EEFSEC: variants seen among roughly 807,000 people sequenced by gnomAD.
EEFSEC encodes the protein eukaryotic elongation factor, selenocysteine-tRNA specific, also known as selenocysteine-specific elongation factor.
A neutral mutation model predicts 42.1 loss-of-function variants in EEFSEC; 43 were observed. That is an observed-to-expected ratio of 1.02 (90% CI 0.80 to 1.32). The LOEUF (loss-of-function observed/expected upper bound fraction) is 1.32. EEFSEC is among the 40% of genes most tolerant of loss of function. EEFSEC has a pLI of 0.00. For missense variants in EEFSEC, 745 were observed against 803.6 expected (o/e 0.93, Z 0.88); for synonymous variants, 354 against 339.1 (o/e 1.04, Z -0.48).
At chr3:128,360,413 G>A (rs141854055) in intron 6 of EEFSEC, among the ~76,000 whole-genome samples, 20 of 152,354 alleles carry the variant, frequency 1.3e-4, no homozygotes, top group African/African-American at 4.8e-4. Flanking sequence ...TTCCAGCTGG[G>A]TCGGGGGCCA....
intron 1 of EEFSEC, among the ~76,000 whole-genome samples, chr3:128,169,036 T>C (rs1340097484): frequency 6.6e-6 from 1 of 152,208 alleles, no homozygotes; most frequent in Non-Finnish European, 1.5e-5. Context: ...TCTGCTTTCA[T>C]GTAGCTTCCT....
intron 1 of EEFSEC, among the ~76,000 whole-genome samples, chr3:128,246,474 C>G (rs1393159275): frequency 2.0e-5 from 3 of 151,910 alleles, no homozygotes; most frequent in African/African-American, 7.3e-5. Flanking sequence ...TTTTTTTTCC[C>G]CCTGCTGAGA....
rs2066081384 is a variant in EEFSEC at position 128,242,393 on chromosome 3, A to G, written c.317-4443A>G. On this transcript the variant is annotated intron_variant, in intron 1 of 6. Transcript: ENST00000254730. Reference sequence around the variant, plus strand: ...TACATAACAAACCTGGTCATCCTGCACATGTACCCCTGAACTTAAAATATA... The same window carrying G: ...TACATAACAAACCTGGTCATCCTGCGCATGTACCCCTGAACTTAAAATATA... 2.0e-5 allele frequency among the ~76,000 whole-genome samples: 3 copies of G among 152,210 alleles called. No individual in the cohort carries two copies. In the South Asian group the frequency reaches 6.2e-4, roughly 32 times the overall value.
At chr3:128,328,841 C>T (rs949738645) in intron 4 of EEFSEC, among the ~76,000 whole-genome samples, 25 of 152,116 alleles carry the variant, frequency 1.6e-4, no homozygotes, top group African/African-American at 5.6e-4. Context: ...TTCTTTGATC[C>T]ACCTCAAGAA....
intron 5 of EEFSEC, among the ~76,000 whole-genome samples, chr3:128,356,743 T>G (rs771427398): frequency 6.6e-5 from 10 of 152,222 alleles, no homozygotes; most frequent in Non-Finnish European, 1.3e-4. Flanking sequence ...TGTATCCACC[T>G]CTGCCCTGCC....
chr3:128,411,115 G>A (rs906520915), downstream of EEFSEC, among the ~76,000 whole-genome samples: 6 of 152,236 alleles, frequency 3.9e-5, no homozygotes, highest in East Asian at 1.9e-4. Flanking sequence ...GGGCCAGGGC[G>A]CGCAGCCTTT....
chr3:128,304,683 C>T (rs1306111667), intron 4 of EEFSEC, among the ~76,000 whole-genome samples: 2 of 151,650 alleles, frequency 1.3e-5, no homozygotes, highest in Non-Finnish European at 2.9e-5. Context: ...AAATGGCAGG[C>T]ATCTTTTCGT....
intron 5 of EEFSEC, among the ~76,000 whole-genome samples, chr3:128,354,804 C>G (rs576768360): frequency 1.1e-4 from 17 of 152,298 alleles, no homozygotes; most frequent in African/African-American, 4.1e-4. Flanking sequence ...ATGCAGTAAA[C>G]GTGTTCTGAA....
intron 5 of EEFSEC, 130 bp from the exon 6 acceptor site, chr3:128,358,087 C>T (rs969877494): frequency 2.4e-6 from 3 of 1,232,638 alleles, no homozygotes; most frequent in Middle Eastern, 4.0e-4. Flanking sequence ...AGGCTACCCA[C>T]AGGGTTCCTA....
intron 4 of EEFSEC, among the ~76,000 whole-genome samples, chr3:128,327,091 C>T (rs1178748851): frequency 1.3e-5 from 2 of 152,224 alleles, no homozygotes; most frequent in South Asian, 4.1e-4. Context: ...CCTGCCCCCA[C>T]GTGTGCTCAT....
At chr3:128,173,764 C>A (rs954089834) in intron 1 of EEFSEC, among the ~76,000 whole-genome samples, 4 of 152,148 alleles carry the variant, frequency 2.6e-5, no homozygotes, top group Admixed American at 2.6e-4. Flanking sequence ...TTTCAAAACA[C>A]AAACTTCTTC....
In EEFSEC at chr3:128,239,535, C is replaced by G. The variant is rs562218991; in HGVS notation, c.317-7301C>G. On this transcript the variant is annotated intron_variant, in intron 1 of 6. Transcript: ENST00000254730. ...GCGAGATGCTTACCCTCTGCCCCCG[C>G]CTGCCTCAGAACTTGAGGTGGGCTT... Among the ~76,000 whole-genome samples the G allele has an allele frequency of 9.9e-5, 15 of 152,272 alleles. No individual in the cohort carries two copies. In the South Asian group the frequency reaches 2.3e-3, roughly 23 times the overall value.
the EEFSEC span, among the ~76,000 whole-genome samples, chr3:128,425,439 A>G: frequency 1.3e-5 from 2 of 152,054 alleles, no homozygotes; most frequent in East Asian, 3.9e-4. Context: ...GTTTGGGGTG[A>G]CTGTGACTAA....
intron 4 of EEFSEC, among the ~76,000 whole-genome samples, chr3:128,316,418 G>A (rs188472762): frequency 1.3e-5 from 2 of 152,276 alleles, no homozygotes; most frequent in Admixed American, 6.5e-5. Flanking sequence ...ATCTCATACC[G>A]ATGCCTACCG....
chr3:128,321,197 A>C (rs1186507315), intron 4 of EEFSEC, among the ~76,000 whole-genome samples: 1 of 152,012 alleles, frequency 6.6e-6, no homozygotes, highest in African/African-American at 2.4e-5. Context: ...GCTCTGGGGG[A>C]GAGTGCTGTG....
chr3:128,305,732 CTTGCAA>C (rs1208343644), intron 4 of EEFSEC, among the ~76,000 whole-genome samples: 2 of 152,096 alleles, frequency 1.3e-5, no homozygotes, highest in African/African-American at 4.8e-5. Flanking sequence ...TTTTTAAGAA[CTTGCAA>C]TTGCATTTAT....
At chr3:128,282,233 T>G (rs922951900) in intron 4 of EEFSEC, among the ~76,000 whole-genome samples, 1 of 152,200 alleles carries the variant, frequency 6.6e-6, no homozygotes, top group Non-Finnish European at 1.5e-5. Context: ...CCACTGGTGG[T>G]GGGAAGTGGG....
At chr3:128,282,211 A>G (rs575949626) in intron 4 of EEFSEC, among the ~76,000 whole-genome samples, 5 of 152,198 alleles carry the variant, frequency 3.3e-5, no homozygotes, top group African/African-American at 9.6e-5. Flanking sequence ...TGTGACCCAC[A>G]TGAAATGCCA....
rs571062558 is a variant in EEFSEC, at chr3:128,341,362, C to G, written c.916C>G (p.Pro306Ala). 1.2e-6 allele frequency: 2 copies of G among 1,614,126 alleles called. No homozygotes were observed. The highest frequency in any genetic ancestry group is 2.2e-5 in the South Asian group (2 of 91,064). Residue 306 changes from proline to alanine, a missense_variant, in exon 5 of 7, where the codon CCC becomes GCC. Pro to Ala is a conservative substitution (Grantham distance 27). Coordinates refer to ENST00000254730, the MANE Select transcript of EEFSEC (RefSeq NM_021937.5). ...KLLERGLVCA[P>A]ESLHTVHAAL... The stretch of plus-strand genomic sequence containing the variant: ...GCTGGAGCGCGGGTTGGTGTGTGCC[C>G]CCGAGTCCCTGCACACTGTCCATGC...
Sources: allele counts gnomAD v4.1 joint callset (sites outside exome capture counted in the v4.1 genomes callset), GRCh38; gene constraint gnomAD v4.1.1; transcripts MANE v1.5; gene names NCBI Gene and HGNC (gene_info 2026-07-23, HGNC 2026-07-21).